The following CNNM2 variants were observed in gnomAD, a reference collection of about 807,000 sequenced individuals.
The protein encoded by CNNM2 is metal transporter CNNM2.
A neutral mutation model predicts 66.9 loss-of-function variants in CNNM2; 12 were observed. The ratio of observed to expected loss-of-function variants is 0.18; its 90% CI spans 0.11 to 0.29. The LOEUF (loss-of-function observed/expected upper bound fraction) is 0.29, where lower values mean the gene tolerates loss of function less well. Ranked by LOEUF, CNNM2 falls within the 10% of genes least tolerant of loss-of-function variation. The pLI is 1.00. For missense variants in CNNM2, 705 were observed against 1,167.7 expected (o/e 0.60, Z 5.77); for synonymous variants, 557 against 501.8 (o/e 1.11, Z -1.47).
chr10:103,019,478 A>C (rs2064528068), intron 1 of CNNM2, among the ~76,000 whole-genome samples: 1 of 152,098 alleles, frequency 6.6e-6, no homozygotes, highest in African/African-American at 2.4e-5. Context: ...AAGAGAAGTA[A>C]AGTAGAGTGA....
At chr10:102,935,823 T>G (rs1455552712) in intron 1 of CNNM2, among the ~76,000 whole-genome samples, 1 of 146,962 alleles carries the variant, frequency 6.8e-6, no homozygotes, top group Non-Finnish European at 1.5e-5. Context: ...GTCGCTATGT[T>G]GCCCAGGCTG....
At chr10:102,961,129 C>T (rs2063372934) in intron 1 of CNNM2, among the ~76,000 whole-genome samples, 1 of 152,106 alleles carries the variant, frequency 6.6e-6, no homozygotes, top group Non-Finnish European at 1.5e-5. Context: ...CCAGCCGCCT[C>T]AGCCTCCCAA....
At chr10:103,059,486 A>C (rs1007024488) in intron 4 of CNNM2, among the ~76,000 whole-genome samples, 7 of 152,216 alleles carry the variant, frequency 4.6e-5, no homozygotes, top group Admixed American at 1.3e-4. Context: ...CTAAGTAAAC[A>C]AGAGTATTTT....
intron 1 of CNNM2, among the ~76,000 whole-genome samples, chr10:102,938,250 AC>A (rs1403775187): frequency 6.6e-6 from 1 of 151,352 alleles, no homozygotes; most frequent in Non-Finnish European, 1.5e-5. Flanking sequence ...AGCCTGGCCA[AC>A]ATGGTGAAAC....
intron 1 of CNNM2, among the ~76,000 whole-genome samples, chr10:102,987,497 A>G (rs1034009446): frequency 1.3e-5 from 2 of 151,606 alleles, no homozygotes; most frequent in Non-Finnish European, 2.9e-5. Flanking sequence ...ATTTTTTTGT[A>G]TTTTTAGTAG....
At chr10:102,920,930 A>G (rs1017112353) in intron 1 of CNNM2, 7 of 212,838 alleles carry the variant, frequency 3.3e-5, no homozygotes, top group African/African-American at 1.6e-4. Flanking sequence ...TGAACCTTTA[A>G]CAGTGGGATG....
At position 102,918,652 on chromosome 10, in the gene CNNM2, T is replaced by C; in HGVS notation, c.172T>C (p.Cys58Arg). The change falls in exon 1 of 8, where the codon TGC becomes CGC. Residue 58 changes from cysteine (C) to arginine (R), a missense_variant. Physicochemically the swap from Cys to Arg is radical, Grantham distance 180 (BLOSUM62 -3). Transcript: ENST00000369878. The surrounding 1 kb of genome is among the most constrained non-coding windows in gnomAD (Gnocchi z 4.1). ...GCCGCTGCTCCTGCTGAGCTGCTGCTGCGGTGCGGGCGGCTGCGCAGCGGT... is the reference window on the plus strand; with the variant it reads ...GCCGCTGCTCCTGCTGAGCTGCTGCCGCGGTGCGGGCGGCTGCGCAGCGGT... ...LLPLLLLSCC[C>R]GAGGCAAVGE... The C allele has an allele frequency of 1.3e-6, 2 of 1,549,200 alleles. No homozygotes were observed. The highest frequency in any genetic ancestry group is 1.7e-6 in the Non-Finnish European group (2 of 1,147,204).
chr10:102,922,988 C>G (rs1198469600), intron 1 of CNNM2, among the ~76,000 whole-genome samples: 1 of 150,880 alleles, frequency 6.6e-6, no homozygotes, highest in Non-Finnish European at 1.5e-5. Flanking sequence ...TTAAGAACTT[C>G]TGTATTGAAG....
chr10:102,971,058 T>C (rs1243219640), intron 1 of CNNM2, among the ~76,000 whole-genome samples: 1 of 151,462 alleles, frequency 6.6e-6, no homozygotes, highest in Non-Finnish European at 1.5e-5. Context: ...AATTAGCTGG[T>C]CCTGGTGGCA....
intron 4 of CNNM2, among the ~76,000 whole-genome samples, chr10:103,063,978 G>A (rs146600755): frequency 2.0e-5 from 3 of 152,286 alleles, no homozygotes; most frequent in African/African-American, 7.2e-5. Flanking sequence ...CCACTAACAC[G>A]TAAATGAATA....
At chr10:102,992,291 T>TTTTTTTTTTTTTTA (rs2063912852) in intron 1 of CNNM2, among the ~76,000 whole-genome samples, 1 of 149,194 alleles carries the variant, frequency 6.7e-6, no homozygotes. Flanking sequence ...TTTTTTTTTT[T>TTTTTTTTTTTTTTA]GAGATGCAGT....
At chr10:103,072,667 G>A (rs1590507072) in intron 6 of CNNM2, among the ~76,000 whole-genome samples, 2 of 152,338 alleles carry the variant, frequency 1.3e-5, no homozygotes, top group Admixed American at 1.3e-4. Context: ...GAAGGGAAAA[G>A]GCTTAATCTG....
intron 1 of CNNM2, among the ~76,000 whole-genome samples, chr10:102,978,673 A>T (rs940881993): frequency 6.6e-6 from 1 of 151,924 alleles, no homozygotes; most frequent in Non-Finnish European, 1.5e-5. Context: ...AAAAATGCAC[A>T]TGTTATGAGT....
rs534396863 is a variant in CNNM2 at position 103,035,785 on chromosome 10, G to A, written c.1622-13922G>A. On this transcript the variant is annotated intron_variant, in intron 1 of 7. Coordinates refer to ENST00000369878, the MANE Select transcript of CNNM2 (RefSeq NM_017649.5). ...CTGGAATCCTAACTTAGGGGAGAGG[G>A]CTGGAGGGCTGTCTTTGATAGGACC... Among the ~76,000 whole-genome samples, 31 of 152,298 alleles carry A rather than the reference G, an allele frequency of 2.0e-4. No individual in the cohort carries two copies. In the South Asian group the frequency reaches 4.4e-3, roughly 21 times the overall value.
At chr10:102,952,883 A>G (rs1846893110) in intron 1 of CNNM2, among the ~76,000 whole-genome samples, 1 of 152,194 alleles carries the variant, frequency 6.6e-6, no homozygotes, top group Non-Finnish European at 1.5e-5. Context: ...GGCTGGAAAC[A>G]TATAGGGTGT....
intron 5 of CNNM2, among the ~76,000 whole-genome samples, chr10:103,071,109 G>A (rs1419889103): frequency 1.3e-5 from 2 of 152,132 alleles, no homozygotes; most frequent in African/African-American, 2.4e-5. Flanking sequence ...GGGGAAAACC[G>A]ACAATAATCA....
chr10:103,048,352 A>C (rs900281299), intron 1 of CNNM2, among the ~76,000 whole-genome samples: 1 of 151,984 alleles, frequency 6.6e-6, no homozygotes, highest in Non-Finnish European at 1.5e-5. Context: ...AGTAGCTGGA[A>C]TCACAGGCAC....
chr10:102,965,669 GTCTAC>G (rs1218777092), intron 1 of CNNM2, among the ~76,000 whole-genome samples: 2 of 152,136 alleles, frequency 1.3e-5, no homozygotes, highest in African/African-American at 2.4e-5. Flanking sequence ...TTTGGCCTTT[GTCTAC>G]TCTATCTCTG....
At chr10:103,003,936 G>A (rs1309608068) in intron 1 of CNNM2, among the ~76,000 whole-genome samples, 3 of 145,518 alleles carry the variant, frequency 2.1e-5, no homozygotes, top group Non-Finnish European at 4.5e-5. Flanking sequence ...TTTGTGAGTT[G>A]TATTGTAGAC....
Sources: gnomAD v4.1 joint callset for allele counts (sites outside exome capture counted in the v4.1 genomes callset) on GRCh38, gnomAD v4.1.1 for gene constraint, Gnocchi (gnomAD v3.1) non-coding constraint, MANE v1.5 for transcripts, NCBI Gene and HGNC (gene_info 2026-07-23, HGNC 2026-07-21) for gene names.